Variants in CFAP47 observed in about 807,000 individuals in gnomAD.
The protein encoded by CFAP47 is cilia- and flagella-associated protein 47.
In CFAP47, 29 loss-of-function variants were observed where a neutral mutation model predicts 148.1. That is an observed-to-expected ratio of 0.20 (90% CI 0.15 to 0.27). The LOEUF (loss-of-function observed/expected upper bound fraction) is 0.27, where lower values mean the gene tolerates loss of function less well. Among genes scored for constraint, CFAP47 ranks in the 10% least tolerant of loss-of-function variants. The pLI is 1.00. For missense variants in CFAP47, 1,872 were observed against 1,697.5 expected (o/e 1.10, Z -1.81); for synonymous variants, 664 against 577.3 (o/e 1.15, Z -2.15).
At chrX:36,193,599 T>C (rs1474943824) in intron 42 of CFAP47, among the ~76,000 whole-genome samples, 1 of 111,322 alleles carries the variant, frequency 9.0e-6, no homozygotes, top group Non-Finnish European at 1.9e-5. Context: ...ATTTGGCCTA[T>C]AATTGCTTTG....
At chrX:36,347,880 G>A (rs1356008201) in intron 57 of CFAP47, among the ~76,000 whole-genome samples, 1 of 111,292 alleles carries the variant, frequency 9.0e-6, no homozygotes, top group African/African-American at 3.3e-5. Flanking sequence ...GTATACCTAT[G>A]TAACAAAACT....
At chrX:36,270,307 A>T (rs1940943283) in intron 49 of CFAP47, among the ~76,000 whole-genome samples, 1 of 110,868 alleles carries the variant, frequency 9.0e-6, no homozygotes, top group Non-Finnish European at 1.9e-5. Context: ...CAGTTCCTCC[A>T]CATTCTTGAC....
At chrX:35,925,679 C>T (rs1316378147) in intron 1 of CFAP47, among the ~76,000 whole-genome samples, 1 of 112,059 alleles carries the variant, frequency 8.9e-6, no homozygotes. Context: ...TTTTTTGAGA[C>T]CGAGTCTTGC....
At chrX:36,363,021 C>T (rs1941842327) in intron 61 of CFAP47, among the ~76,000 whole-genome samples, 1 of 111,089 alleles carries the variant, frequency 9.0e-6, no homozygotes, top group Non-Finnish European at 1.9e-5. Flanking sequence ...ATGGGCAGAG[C>T]CAATGTGAAT....
At chrX:35,924,531 A>ATATATGTG (rs1935701689) in intron 1 of CFAP47, among the ~76,000 whole-genome samples, 4 of 100,876 alleles carry the variant, frequency 4.0e-5, no homozygotes, top group African/African-American at 1.6e-4. Flanking sequence ...ATATATGCAC[A>ATATATGTG]TATATGTGCA....
chrX:36,201,731 C>T (rs1237435534), intron 44 of CFAP47, among the ~76,000 whole-genome samples: 1 of 111,436 alleles, frequency 9.0e-6, no homozygotes, highest in Non-Finnish European at 1.9e-5. Context: ...ACAGTGTAGT[C>T]ATTAATTCAC....
At chrX:36,170,631 A>AT (rs1325560529) in intron 39 of CFAP47, among the ~76,000 whole-genome samples, 1 of 108,920 alleles carries the variant, frequency 9.2e-6, no homozygotes, top group Non-Finnish European at 1.9e-5. Flanking sequence ...TGAACACATC[A>AT]TTTTTTATGG....
intron 48 of CFAP47, among the ~76,000 whole-genome samples, chrX:36,243,651 A>G (rs4617312): frequency 0.12 from 2,391 of 19,690 alleles, 37 homozygotes; most frequent in Admixed American, 0.2. Context: ...GTGTGTGTAT[A>G]TATATATATA....
chrX:36,099,808 G>A lies in CFAP47; in HGVS notation c.5056G>A (p.Val1686Ile), dbSNP rs755143891. 6.7e-6 allele frequency: 6 copies of A among 893,005 alleles called. No individual in the cohort carries two copies. The South Asian group carries it at 1.2e-4, about 18-fold the overall frequency. 73.6% of individuals were successfully genotyped at this position (893,005 alleles called of 1,213,427 possible). Residue 1686 changes from valine to isoleucine, a missense_variant, in exon 32 of 64, where the codon GTT becomes ATT. By Grantham distance (29) the Val-to-Ile change is conservative (BLOSUM62 3). Coordinates refer to ENST00000378653, the MANE Select transcript of CFAP47 (RefSeq NM_001304548.2). ...TACACCTAAGAAAAAATGTTCTATTGTTATAGAAATGTCTAAATTTGAAGC... is the reference window on the plus strand; with the variant it reads ...TACACCTAAGAAAAAATGTTCTATTATTATAGAAATGTCTAAATTTGAAGC... ...SCTPKKKCSI[V>I]IEMSKFEAWS...
chrX:36,311,322 T>C (rs1328719867), intron 56 of CFAP47, among the ~76,000 whole-genome samples: 1 of 111,205 alleles, frequency 9.0e-6, no homozygotes, highest in Non-Finnish European at 1.9e-5. Context: ...TTTATAGAAA[T>C]TCTGATATGG....
intron 8 of CFAP47, among the ~76,000 whole-genome samples, chrX:35,957,605 T>C (rs142254047): frequency 0.018 from 2,011 of 112,249 alleles, 46 homozygotes; most frequent in African/African-American, 0.062. Flanking sequence ...TTAACTGCTT[T>C]CTAGATTTCC....
intron 23 of CFAP47, among the ~76,000 whole-genome samples, chrX:36,035,229 A>G (rs561294065): frequency 1.8e-5 from 2 of 111,789 alleles, no homozygotes; most frequent in South Asian, 7.4e-4. Flanking sequence ...CCTAGAGTAC[A>G]TTATTCATAC....
intron 62 of CFAP47, among the ~76,000 whole-genome samples, chrX:36,370,853 A>C (rs970936647): frequency 4.5e-5 from 5 of 111,158 alleles, no homozygotes; most frequent in Non-Finnish European, 9.4e-5. Flanking sequence ...AAGTTCTGAA[A>C]AGGAACGACC....
rs1556016909 is a variant in CFAP47 at position 36,348,177 on chromosome X, T to C, written c.8492T>C (p.Ile2831Thr). The C allele has an allele frequency of 5.7e-6, 6 of 1,048,597 alleles. No homozygotes were observed. In the Admixed American group the frequency reaches 2.6e-4, roughly 46 times the overall value. The allele number at this position is 1,048,597 out of a possible 1,213,427, so 86.4% of individuals were successfully genotyped here. A position where few individuals can be genotyped will look rare whatever the true frequency, so the allele number is the denominator to read the frequency against. ...KGNIDISLLF[I>T]PQIMKLHKTM... ...AATATAGATATCTCATTGTTATTTA[T>C]ACCTCAAATTATGAAATTACACAAA... Residue 2831 changes from isoleucine to threonine, a missense_variant, in exon 58 of 64, where the codon ATA becomes ACA. Transcript: ENST00000378653.
chrX:35,996,021 A>G (rs1229170768), intron 18 of CFAP47, among the ~76,000 whole-genome samples: 1 of 111,026 alleles, frequency 9.0e-6, no homozygotes, highest in Non-Finnish European at 1.9e-5. Flanking sequence ...GAATGAATTT[A>G]TGGTTTCAGA....
chrX:36,196,539 A>G (rs1235585157), intron 42 of CFAP47, among the ~76,000 whole-genome samples: 1 of 111,304 alleles, frequency 9.0e-6, no homozygotes, highest in Admixed American at 9.6e-5. Flanking sequence ...GTCAAAGGTT[A>G]CCCAGCTAAT....
intron 8 of CFAP47, among the ~76,000 whole-genome samples, chrX:35,964,586 C>G (rs1198394577): frequency 9.0e-6 from 1 of 110,780 alleles, no homozygotes; most frequent in Non-Finnish European, 1.9e-5. Context: ...AGACTCCCAT[C>G]ATACATATGT....
chrX:35,924,547 A>G (rs1935702789), intron 1 of CFAP47, among the ~76,000 whole-genome samples: 1 of 104,980 alleles, frequency 9.5e-6, no homozygotes, highest in African/African-American at 3.6e-5. Context: ...GTGCACCTAT[A>G]TGTGTATATA....
At chrX:36,101,220 G>A (rs1174247415) in intron 32 of CFAP47, among the ~76,000 whole-genome samples, 1 of 111,932 alleles carries the variant, frequency 8.9e-6, no homozygotes, top group Non-Finnish European at 1.9e-5. Flanking sequence ...TCTTGGGTTT[G>A]GTTTGATAAT....
Sources: gnomAD v4.1 joint callset for allele counts (sites outside exome capture counted in the v4.1 genomes callset) on GRCh38, gnomAD v4.1.1 for gene constraint, MANE v1.5 for transcripts, NCBI Gene and HGNC (gene_info 2026-07-23, HGNC 2026-07-21) for gene names.